The following NOS1AP variants were observed in gnomAD, a reference collection of about 807,000 sequenced individuals.
NOS1AP encodes the protein carboxyl-terminal PDZ ligand of neuronal nitric oxide synthase protein.
A neutral mutation model predicts 56.2 loss-of-function variants in NOS1AP; 21 were observed. That is an observed-to-expected ratio of 0.37 (90% CI 0.26 to 0.54). The LOEUF (loss-of-function observed/expected upper bound fraction) is 0.54, where lower values mean the gene tolerates loss of function less well. NOS1AP is among the 20% of genes least tolerant of loss of function. The probability of loss-of-function intolerance (pLI) is 0.84; values close to 1 mark genes in which losing one functional copy is unlikely to be tolerated. For missense variants in NOS1AP, 522 were observed against 657.8 expected (o/e 0.79, Z 2.26); for synonymous variants, 270 against 274.6 (o/e 0.98, Z 0.17).
chr1:162,313,149 G>A (rs758024623), intron 4 of NOS1AP, among the ~76,000 whole-genome samples: 19 of 152,146 alleles, frequency 1.2e-4, no homozygotes, highest in Admixed American at 2.6e-4. Context: ...TGTAGAAAGC[G>A]CTTGGAATGC....
At chr1:162,075,999 G>A (rs563919223) in intron 1 of NOS1AP, among the ~76,000 whole-genome samples, 1 of 152,228 alleles carries the variant, frequency 6.6e-6, no homozygotes, top group East Asian at 1.9e-4. Flanking sequence ...GTCCTTTTTA[G>A]TGGTCAAAAT....
chr1:162,357,474 G>T (rs1657741844), intron 8 of NOS1AP, among the ~76,000 whole-genome samples: 2 of 152,108 alleles, frequency 1.3e-5, no homozygotes, highest in East Asian at 3.9e-4. Context: ...TGATATTTGG[G>T]GTGGAAAGTG....
At chr1:162,158,576 CATA>C (rs1650068362) in intron 2 of NOS1AP, among the ~76,000 whole-genome samples, 1 of 152,150 alleles carries the variant, frequency 6.6e-6, no homozygotes, top group Non-Finnish European at 1.5e-5. Flanking sequence ...TACTGTTTTC[CATA>C]ATGACTATCA....
chr1:162,091,125 C>T (rs949317202), intron 1 of NOS1AP, among the ~76,000 whole-genome samples: 8 of 152,044 alleles, frequency 5.3e-5, no homozygotes, highest in Non-Finnish European at 1.2e-4. Context: ...TTTACCTGAG[C>T]CTTCTCTTTT....
intron 1 of NOS1AP, among the ~76,000 whole-genome samples, chr1:162,109,784 C>A (rs968100963): frequency 4.0e-5 from 6 of 151,842 alleles, no homozygotes; most frequent in Non-Finnish European, 8.8e-5. Context: ...TGGGTATCTG[C>A]AATTCATTCC....
intron 2 of NOS1AP, among the ~76,000 whole-genome samples, chr1:162,200,955 T>C (rs574661627): frequency 7.9e-4 from 120 of 152,348 alleles, no homozygotes; most frequent in Admixed American, 1.7e-3. Flanking sequence ...GTTTGTTACG[T>C]AGGTAAACAT....
chr1:162,261,916 A>T (rs1654254393), intron 2 of NOS1AP, among the ~76,000 whole-genome samples: 1 of 152,168 alleles, frequency 6.6e-6, no homozygotes, highest in African/African-American at 2.4e-5. Context: ...GAGTGGTAGG[A>T]ATTCAGAGGA....
intron 2 of NOS1AP, among the ~76,000 whole-genome samples, chr1:162,208,756 A>G (rs1652248440): frequency 6.6e-6 from 1 of 152,238 alleles, no homozygotes; most frequent in Admixed American, 6.5e-5. Context: ...GAGTTAGGCT[A>G]TAAATACTTT....
intron 8 of NOS1AP, among the ~76,000 whole-genome samples, chr1:162,362,588 A>G (rs1657941406): frequency 6.6e-6 from 1 of 152,226 alleles, no homozygotes; most frequent in Non-Finnish European, 1.5e-5. Context: ...TATCTGCTGA[A>G]AGACTTTGTT....
intron 2 of NOS1AP, among the ~76,000 whole-genome samples, chr1:162,263,540 G>C (rs984076832): frequency 2.0e-5 from 3 of 152,072 alleles, no homozygotes; most frequent in Non-Finnish European, 4.4e-5. Context: ...AGCTATTTTG[G>C]TCTGTATAAT....
At chr1:162,362,881 C>A in intron 8 of NOS1AP, 10 of 898,908 alleles carry the variant, frequency 1.1e-5, no homozygotes, top group Non-Finnish European at 1.3e-5. Context: ...CACCCACCAT[C>A]TGACATCCAG....
intron 1 of NOS1AP, among the ~76,000 whole-genome samples, chr1:162,112,301 C>A (rs1335351193): frequency 1.3e-5 from 2 of 152,194 alleles, no homozygotes; most frequent in Non-Finnish European, 1.5e-5. Flanking sequence ...TCTGTGGAAG[C>A]CAACAAAAGA....
At chr1:162,127,723 C>T (rs1467246274) in intron 1 of NOS1AP, among the ~76,000 whole-genome samples, 1 of 152,044 alleles carries the variant, frequency 6.6e-6, no homozygotes, top group East Asian at 1.9e-4. Flanking sequence ...TTTAAATGAC[C>T]AGATCTCATG....
At chr1:162,262,958 AC>A (rs1654287172) in intron 2 of NOS1AP, among the ~76,000 whole-genome samples, 1 of 152,076 alleles carries the variant, frequency 6.6e-6, no homozygotes, top group Non-Finnish European at 1.5e-5. Flanking sequence ...TTCTAACCCC[AC>A]CTTTCTGCCA....
intron 2 of NOS1AP, among the ~76,000 whole-genome samples, chr1:162,155,281 C>CAT: frequency 7.0e-6 from 1 of 142,232 alleles, no homozygotes; most frequent in South Asian, 2.3e-4. Flanking sequence ...TACATATACA[C>CAT]ATATATACAT....
chr1:162,134,866 C>T (rs1370077767), intron 1 of NOS1AP, among the ~76,000 whole-genome samples: 1 of 152,150 alleles, frequency 6.6e-6, no homozygotes, highest in East Asian at 1.9e-4. Context: ...CAATGCAAGG[C>T]CTTCATGACC....
At chr1:162,326,983 A>G (rs1656612977) in intron 4 of NOS1AP, among the ~76,000 whole-genome samples, 1 of 152,266 alleles carries the variant, frequency 6.6e-6, no homozygotes, top group Admixed American at 6.5e-5. Flanking sequence ...TTTTCATAAA[A>G]TGCTTCTTGA....
rs377344174 is a variant in NOS1AP, at chr1:162,202,140, G to A, written c.177+47664G>A. Among the ~76,000 whole-genome samples, 431 of 152,286 alleles carry A rather than the reference G, an allele frequency of 2.8e-3. 2 individuals are homozygous for A. Among genetic ancestry groups the A allele is most frequent in the African/African-American group, 9.5e-3 (394 of 41,562 alleles). On this transcript the variant is annotated intron_variant, in intron 2 of 9. Coordinates refer to ENST00000361897, the MANE Select transcript of NOS1AP (RefSeq NM_014697.3). ...CTAACATTGGGAGTCGAAACTCTAG[G>A]TGGAAGCTTTATGGAGAGAAATTAT...
intron 1 of NOS1AP, among the ~76,000 whole-genome samples, chr1:162,151,746 G>T (rs1649714667): frequency 6.6e-6 from 1 of 151,988 alleles, no homozygotes; most frequent in South Asian, 2.1e-4. Flanking sequence ...TTAGATTAGT[G>T]ATTTTCTTTG....
Sources: allele counts gnomAD v4.1 joint callset (sites outside exome capture counted in the v4.1 genomes callset), GRCh38; gene constraint gnomAD v4.1.1; transcripts MANE v1.5; gene names NCBI Gene and HGNC (gene_info 2026-07-23, HGNC 2026-07-21).